The following TAF13 variants were observed in gnomAD, a reference collection of about 807,000 sequenced individuals.
TAF13 encodes TATA-box binding protein associated factor 13, also known as transcription initiation factor TFIID subunit 13.
In TAF13, 9 loss-of-function variants were observed where a neutral mutation model predicts 18.7. The ratio of observed to expected loss-of-function variants is 0.48; its 90% CI spans 0.29 to 0.84. The LOEUF is 0.84. Among genes scored for constraint, TAF13 ranks in the 40% least tolerant of loss-of-function variants. The probability of loss-of-function intolerance (pLI) is 0.08; values close to 1 mark genes in which losing one functional copy is unlikely to be tolerated. For missense variants in TAF13, 105 were observed against 146.5 expected, an observed-to-expected ratio of 0.72 and a Z score of 1.46; for synonymous variants, 49 against 44.1, an observed-to-expected ratio of 1.11 and a Z score of -0.44.
chr1:109,074,691 A>G (rs1664150816), intron 2 of TAF13, among the ~76,000 whole-genome samples: 2 of 152,132 alleles, frequency 1.3e-5, no homozygotes, highest in African/African-American at 2.4e-5. Context: ...GAGGCAGGAG[A>G]ATGGCATGAA....
At position 109,072,138 on chromosome 1, in the gene TAF13, A is replaced by G. The variant is rs187429551; in HGVS notation, c.106+2849T>C. 4.3e-3 allele frequency among the ~76,000 whole-genome samples: 540 copies of G among 126,276 alleles called. 39 individuals are homozygous for G. Among genetic ancestry groups the G allele is most frequent in the African/African-American group, 0.016 (501 of 32,200 alleles). 82.8% of individuals were successfully genotyped at this position (126,276 alleles called of 152,430 possible). ...TATACACACATATATATATATATAT[A>G]TATATATACTGACCCTGTAGTTTCA... is the stretch of plus-strand genomic sequence containing the variant. On this transcript the variant is annotated intron_variant, in intron 2 of 3. Transcript: ENST00000338366.
intron 2 of TAF13, 135 bp downstream of exon 2, chr1:109,074,852 T>C: frequency 1.5e-6 from 1 of 687,530 alleles, no homozygotes; most frequent in Non-Finnish European, 2.5e-6. Context: ...GATTCAAAAG[T>C]TAAACAGAAT....
chr1:109,069,683 A>G (rs934753254), intron 2 of TAF13, among the ~76,000 whole-genome samples: 8 of 152,128 alleles, frequency 5.3e-5, no homozygotes, highest in African/African-American at 1.9e-4. Context: ...GGAAGAAATG[A>G]GTAAATTAAG....
At chr1:109,065,850 G>A (rs1663942829) in intron 3 of TAF13, among the ~76,000 whole-genome samples, 1 of 151,218 alleles carries the variant, frequency 6.6e-6, no homozygotes, top group Non-Finnish European at 1.5e-5. Context: ...GAATCCGGGA[G>A]ACGGAGGTTG....
rs116044235 is a variant in TAF13, at chr1:109,072,770, G to A, written c.106+2217C>T. Among the ~76,000 whole-genome samples, 863 of 124,658 alleles carry A rather than the reference G, an allele frequency of 6.9e-3. 4 individuals carry two copies. Among genetic ancestry groups the A allele is most frequent in the Middle Eastern group, 0.011 (2 of 182 alleles). The allele number at this position is 124,658 out of a possible 152,430, so 81.8% of individuals were successfully genotyped here. On this transcript the variant is annotated intron_variant, in intron 2 of 3. Coordinates refer to ENST00000338366, the MANE Select transcript of TAF13 (RefSeq NM_005645.4). ...TCCATGTCACTATAATGCCTTACAC[G>A]ATTCACCACCTTTTTTTTTTTTTTT...
At chr1:109,075,181 C>CAA (rs528037126) in intron 1 of TAF13, 116 bp from the exon 2 acceptor site, 405 of 623,312 alleles carry the variant, frequency 6.5e-4, no homozygotes, top group East Asian at 7.0e-4. Flanking sequence ...AAGGAAGCAG[C>CAA]AAAAAAAAAA....
intron 2 of TAF13, among the ~76,000 whole-genome samples, chr1:109,068,730 G>A (rs946349845): frequency 2.0e-5 from 3 of 152,156 alleles, no homozygotes; most frequent in African/African-American, 4.8e-5. Flanking sequence ...AGGCCAGCGC[G>A]GTGGTTCACG....
intron 2 of TAF13, among the ~76,000 whole-genome samples, chr1:109,068,378 C>CT (rs1663987178): frequency 6.6e-6 from 1 of 152,162 alleles, no homozygotes; most frequent in African/African-American, 2.4e-5. Context: ...CTCAAGTGAT[C>CT]TGCCTGCCTT....
At chr1:109,073,960 G>C (rs1042180977) in intron 2 of TAF13, among the ~76,000 whole-genome samples, 1 of 151,666 alleles carries the variant, frequency 6.6e-6, no homozygotes, top group Non-Finnish European at 1.5e-5. Flanking sequence ...TGGGAGGTGA[G>C]GAGCGCCTCT....
chr1:109,074,099 G>C (rs887781237), intron 2 of TAF13, among the ~76,000 whole-genome samples: 1 of 152,226 alleles, frequency 6.6e-6, no homozygotes, highest in Non-Finnish European at 1.5e-5. Flanking sequence ...CATTGAGAAC[G>C]GGCCATGATG....
chr1:109,074,076 G>A (rs1016646879), intron 2 of TAF13, among the ~76,000 whole-genome samples: 6 of 152,246 alleles, frequency 3.9e-5, no homozygotes, highest in African/African-American at 1.4e-4. Flanking sequence ...TCTGGGAGGT[G>A]TACCCAACAG....
At chr1:109,074,893 A>G in intron 2 of TAF13, 94 bp downstream of exon 2, 1 of 914,086 alleles carries the variant, frequency 1.1e-6, no homozygotes, top group South Asian at 1.6e-5. Flanking sequence ...TATTATCCCT[A>G]CAGGGAAACA....
chr1:109,068,578 A>T (rs1254244045), intron 2 of TAF13, among the ~76,000 whole-genome samples: 3 of 151,488 alleles, frequency 2.0e-5, no homozygotes, highest in African/African-American at 7.3e-5. Context: ...GAACTCCTGG[A>T]CTCAAGTAAT....
At chr1:109,071,251 G>C (rs138447312) in intron 2 of TAF13, among the ~76,000 whole-genome samples, 4,885 of 152,036 alleles carry the variant, frequency 0.032, 251 homozygotes, top group African/African-American at 0.11. Context: ...CACCAGCCTG[G>C]CTAACATGGT....
At position 109,064,394 on chromosome 1, in the gene TAF13, A is replaced by G; in HGVS notation, c.*129T>C. On this transcript the variant is annotated 3_prime_UTR_variant, in exon 4 of 4. Transcript: ENST00000338366. ...ACCCTAAAATCAAAGGCATAAAAAT[A>G]AAGGCTGAAAACTTTGTGTTTCTCC... is the stretch of plus-strand genomic sequence containing the variant. 1 of 862,854 alleles carries G rather than the reference A, an allele frequency of 1.2e-6. No homozygotes were observed. The highest frequency in any genetic ancestry group is 3.8e-5 in the South Asian group (1 of 26,304). The allele number at this position is 862,854 out of a possible 1,614,324, so 53.4% of individuals were successfully genotyped here.
rs566574952 is a variant in TAF13, at chr1:109,067,031, T to C, written c.107-799A>G. 3.3e-5 allele frequency among the ~76,000 whole-genome samples: 5 copies of C among 152,202 alleles called. No homozygotes were observed. The East Asian group carries it at 9.7e-4, about 30-fold the overall frequency. ...ACCGCGCCCAGCCCCAAATCTGTTC[T>C]TATAGGAAGAAACAGGGTACTCAAA... On this transcript the variant is annotated intron_variant, in intron 2 of 3. Coordinates refer to ENST00000338366, the MANE Select transcript of TAF13 (RefSeq NM_005645.4).
intron 2 of TAF13, among the ~76,000 whole-genome samples, chr1:109,071,967 TATATATATACACACA>T (rs1664066062): frequency 1.9e-3 from 9 of 4,626 alleles, no homozygotes; most frequent in African/African-American, 3.5e-3. Context: ...AATATATATA[TATATATATACACACA>T]TATATATATA....
chr1:109,071,397 C>T (rs760245607), intron 2 of TAF13, among the ~76,000 whole-genome samples: 5 of 150,148 alleles, frequency 3.3e-5, no homozygotes, highest in East Asian at 4.0e-4. Flanking sequence ...GCCGAGATCA[C>T]GCCACTGCAC....
At chr1:109,071,389 C>T (rs1038311563) in intron 2 of TAF13, among the ~76,000 whole-genome samples, 11 of 150,034 alleles carry the variant, frequency 7.3e-5, no homozygotes, top group Non-Finnish European at 1.2e-4. Context: ...TGCAGTGAGC[C>T]GAGATCACGC....
Sources: gnomAD v4.1 joint callset for allele counts (sites outside exome capture counted in the v4.1 genomes callset) on GRCh38, gnomAD v4.1.1 for gene constraint, MANE v1.5 for transcripts, NCBI Gene and HGNC (gene_info 2026-07-23, HGNC 2026-07-21) for gene names.